CADM1: variants seen among roughly 807,000 people sequenced by gnomAD.
CADM1 encodes cell adhesion molecule 1, also known as TSLC-1.
Under a neutral mutation model 53.1 loss-of-function variants are expected in CADM1, and 15 were observed. The observed-to-expected ratio is 0.28, with a 90% CI of 0.19 to 0.44. CADM1 has a LOEUF of 0.44. Among genes scored for constraint, CADM1 ranks in the 20% least tolerant of loss-of-function variants. CADM1 has a pLI of 1.00. For missense variants in CADM1, 434 were observed against 611.3 expected (o/e 0.71, Z 3.06); for synonymous variants, 281 against 243.0 (o/e 1.16, Z -1.45).
At chr11:115,327,969 T>C (rs1422414291) in intron 1 of CADM1, among the ~76,000 whole-genome samples, 3 of 152,142 alleles carry the variant, frequency 2.0e-5, no homozygotes, top group African/African-American at 7.2e-5. Flanking sequence ...CAGTATTTTT[T>C]TCTGCTTCAT....
chr11:115,242,718 A>C (rs927136555), intron 1 of CADM1, among the ~76,000 whole-genome samples: 1 of 152,238 alleles, frequency 6.6e-6, no homozygotes, highest in African/African-American at 2.4e-5. Flanking sequence ...GTATATTAGC[A>C]ACATAAATAA....
chr11:115,212,058 A>G (rs1408976840), intron 7 of CADM1, among the ~76,000 whole-genome samples: 2 of 152,206 alleles, frequency 1.3e-5, no homozygotes, highest in Non-Finnish European at 2.9e-5. Context: ...GATTCCTTTA[A>G]CAGGTAAAAT....
At chr11:115,202,751 G>A (rs974018906) in intron 8 of CADM1, among the ~76,000 whole-genome samples, 3 of 151,990 alleles carry the variant, frequency 2.0e-5, no homozygotes, top group Non-Finnish European at 4.4e-5. Context: ...TGTTATGGAG[G>A]TGCTTTAAAT....
intron 1 of CADM1, among the ~76,000 whole-genome samples, chr11:115,261,969 CGG>C (rs1565331388): frequency 6.6e-6 from 1 of 151,900 alleles, no homozygotes. Context: ...TTAGTAGAGA[CGG>C]GGTTTCACCA....
At chr11:115,214,540 G>A in intron 7 of CADM1, 68 bp downstream of exon 7, 1 of 1,469,362 alleles carries the variant, frequency 6.8e-7, no homozygotes, top group East Asian at 2.3e-5. Context: ...AAAGCTTTGA[G>A]AGTAAATCAC....
intron 1 of CADM1, among the ~76,000 whole-genome samples, chr11:115,316,578 C>T (rs1241931637): frequency 1.3e-5 from 2 of 152,120 alleles, no homozygotes; most frequent in African/African-American, 4.8e-5. Context: ...TATCCAGACA[C>T]AAGCAGCAAT....
intron 1 of CADM1, among the ~76,000 whole-genome samples, chr11:115,248,562 C>A (rs779287038): frequency 2.0e-5 from 3 of 152,266 alleles, no homozygotes; most frequent in Non-Finnish European, 4.4e-5. Context: ...AAAAAAGAAA[C>A]AGGAATATAA....
At chr11:115,355,989 C>G (rs1042628064) in intron 1 of CADM1, among the ~76,000 whole-genome samples, 4 of 152,032 alleles carry the variant, frequency 2.6e-5, no homozygotes, top group African/African-American at 9.7e-5. Context: ...TGTGCCACCA[C>G]GCCCAGCTAA....
chr11:115,476,880 A>G (rs1949144359), intron 1 of CADM1, among the ~76,000 whole-genome samples: 1 of 152,248 alleles, frequency 6.6e-6, no homozygotes, highest in Non-Finnish European at 1.5e-5. Context: ...AAAGAGACAG[A>G]TGACACTCAA....
chr11:115,328,292 A>G (rs977377526), intron 1 of CADM1, among the ~76,000 whole-genome samples: 2 of 152,114 alleles, frequency 1.3e-5, no homozygotes, highest in Admixed American at 6.6e-5. Flanking sequence ...TCATTACTGC[A>G]TGCTAATCTC....
intron 1 of CADM1, among the ~76,000 whole-genome samples, chr11:115,253,836 G>T (rs1409176140): frequency 1.3e-5 from 2 of 152,166 alleles, no homozygotes; most frequent in Non-Finnish European, 2.9e-5. Flanking sequence ...ATGTGTCTCA[G>T]TCTCAGTACT....
intron 1 of CADM1, among the ~76,000 whole-genome samples, chr11:115,406,283 C>A (rs1947310073): frequency 6.6e-6 from 1 of 151,540 alleles, no homozygotes; most frequent in African/African-American, 2.4e-5. Context: ...AAATTTTAAC[C>A]AAATCCCTCT....
intron 1 of CADM1, among the ~76,000 whole-genome samples, chr11:115,371,527 G>A (rs1326712625): frequency 6.6e-6 from 1 of 151,696 alleles, no homozygotes; most frequent in East Asian, 1.9e-4. Context: ...AAGAGCAGAT[G>A]AGACAAATAA....
At chr11:115,453,517 G>A (rs1186281081) in intron 1 of CADM1, among the ~76,000 whole-genome samples, 1 of 151,918 alleles carries the variant, frequency 6.6e-6, no homozygotes, top group Non-Finnish European at 1.5e-5. Flanking sequence ...TTTTGTTTTT[G>A]AGACAGAGTC....
chr11:115,290,396 G>GCT lies in CADM1; in HGVS notation c.125-49978_125-49977dup, dbSNP rs573538751. On this transcript the variant is annotated intron_variant, in intron 1 of 11. Transcript: ENST00000331581. Reference sequence around the variant, plus strand: ...AAGTCTGCTGGATGGAAGTCACTCAGCTCACTCCTCTGCTTTCCCTAAACA... The same window carrying GCT: ...AAGTCTGCTGGATGGAAGTCACTCAGCTCTCACTCCTCTGCTTTCCCTAAACA... Among the ~76,000 whole-genome samples, 4 of 152,284 alleles carry GCT rather than the reference G, an allele frequency of 2.6e-5. No homozygotes were observed. In the South Asian group the frequency reaches 8.3e-4, roughly 32 times the overall value.
chr11:115,492,036 G>A (rs182113551), intron 1 of CADM1, among the ~76,000 whole-genome samples: 1 of 152,152 alleles, frequency 6.6e-6, no homozygotes, highest in Non-Finnish European at 1.5e-5. Context: ...TATGGCACAT[G>A]TATACCTATG....
At position 115,240,105 on chromosome 11, in the gene CADM1, C is replaced by A. The variant is rs547521226; in HGVS notation, c.271+169G>T. Among the ~76,000 whole-genome samples, 3 of 152,264 alleles carry A rather than the reference C, an allele frequency of 2.0e-5. No homozygotes were observed. In the South Asian group the frequency reaches 6.2e-4, roughly 32 times the overall value. On this transcript the variant is annotated intron_variant, in intron 2 of 11. Coordinates refer to ENST00000331581, the MANE Select transcript of CADM1 (RefSeq NM_001301043.2). ...TTTTAAAAGGGGCCATTCAAGGTTTCTATTAAGTAGAAAGATTATGATTGC... is the reference window on the plus strand; with the variant it reads ...TTTTAAAAGGGGCCATTCAAGGTTTATATTAAGTAGAAAGATTATGATTGC...
intron 8 of CADM1, among the ~76,000 whole-genome samples, chr11:115,205,585 G>T (rs943229200): frequency 1.3e-5 from 2 of 152,046 alleles, no homozygotes; most frequent in Non-Finnish European, 2.9e-5. Context: ...TTTCACAAAG[G>T]ATTCCAGGGA....
At chr11:115,183,930 T>C (rs1939426496) in intron 10 of CADM1, among the ~76,000 whole-genome samples, 1 of 152,226 alleles carries the variant, frequency 6.6e-6, no homozygotes, top group Admixed American at 6.5e-5. Context: ...AAAAGAATTG[T>C]TGCGGACTTT....
Sources: allele counts gnomAD v4.1 joint callset (sites outside exome capture counted in the v4.1 genomes callset), GRCh38; gene constraint gnomAD v4.1.1; transcripts MANE v1.5; gene names NCBI Gene and HGNC (gene_info 2026-07-23, HGNC 2026-07-21).